The following SMARCA2 variants were observed in gnomAD, a reference collection of about 807,000 sequenced individuals.
The protein encoded by SMARCA2 is SWI/SNF-related matrix-associated actin-dependent regulator of chromatin subfamily A member 2.
SMARCA2 carries 61 observed loss-of-function variants against 199.8 expected under a neutral mutation model. The observed-to-expected ratio is 0.31, with a 90% CI of 0.25 to 0.38. SMARCA2 has a LOEUF of 0.38. SMARCA2 is among the 10% of genes least tolerant of loss of function. The pLI is 1.00. For missense variants in SMARCA2, 1,344 were observed against 2,012.2 expected, an observed-to-expected ratio of 0.67 and a Z score of 6.35; for synonymous variants, 935 against 732.0, an observed-to-expected ratio of 1.28 and a Z score of -4.48.
Position 2,110,429 on chromosome 9 carries a change from C to T in SMARCA2, c.3456+12C>T, listed in dbSNP as rs1191541117. The T allele has an allele frequency of 6.3e-7, 1 of 1,574,902 alleles. No homozygotes were observed. The highest frequency in any genetic ancestry group is 8.6e-7 in the Non-Finnish European group (1 of 1,163,286). Reference sequence around the variant, plus strand: ...GGAATCCTCATCAGGTCTGCATGTCCCACTCAGGTGCCCAGGCCTCCCTCT... The same window carrying T: ...GGAATCCTCATCAGGTCTGCATGTCTCACTCAGGTGCCCAGGCCTCCCTCT... On this transcript the variant is annotated intron_variant, in intron 24 of 33. Transcript: ENST00000349721. The surrounding 1 kb of genome is among the most constrained non-coding windows in gnomAD (Gnocchi z 4.8).
intron 32 of SMARCA2, among the ~76,000 whole-genome samples, chr9:2,187,737 T>C (rs189242505): frequency 1.5e-3 from 222 of 152,230 alleles, no homozygotes; most frequent in Middle Eastern, 3.4e-3. Flanking sequence ...TTCTTTCCTA[T>C]GTGTGTCTTC....
chr9:2,090,113 G>T (rs1373301159), intron 19 of SMARCA2, among the ~76,000 whole-genome samples: 1 of 152,088 alleles, frequency 6.6e-6, no homozygotes, highest in African/African-American at 2.4e-5. Context: ...GAATTATGAG[G>T]TGATTAATTA....
In SMARCA2 at chr9:2,169,256, T is replaced by G. The variant is rs1194152936; in HGVS notation, c.4200-1163T>G. Among the ~76,000 whole-genome samples the G allele has an allele frequency of 6.6e-6, 1 of 152,164 alleles. No individual in the cohort carries two copies. The highest frequency in any genetic ancestry group is 1.5e-5 in the Non-Finnish European group (1 of 68,022). On this transcript the variant is annotated intron_variant, in intron 28 of 33. Transcript: ENST00000349721. This position sits in a 1 kb window ranked among gnomAD's most constrained non-coding sequence, Gnocchi z 6.5. ...GGTGGACTGCGTGCCCTGCCTCCAG[T>G]CTCTTCCTGTCCTGGCTTCTTTCTG... is the stretch of plus-strand genomic sequence containing the variant.
chr9:2,061,049 G>T, intron 9 of SMARCA2, 63 bp downstream of exon 9: 4 of 1,479,662 alleles, frequency 2.7e-6, no homozygotes, highest in South Asian at 1.2e-5. Flanking sequence ...TTTTTAAGGC[G>T]AGTATTGCTC....
rs565225365 is a variant in SMARCA2, at chr9:2,051,703, G to T, written c.1047-2894G>T. 1.2e-4 allele frequency among the ~76,000 whole-genome samples: 18 copies of T among 152,328 alleles called. No homozygotes were observed. In the South Asian group the frequency reaches 3.7e-3, roughly 32 times the overall value. On this transcript the variant is annotated intron_variant, in intron 5 of 33. Transcript: ENST00000349721. ...TATTCAAATAAGAAAGATCTGCAAG[G>T]AATCTAGAACCAAGGATGCGGAATA...
chr9:2,018,975 GAC>G (rs1056288829), intron 1 of SMARCA2, among the ~76,000 whole-genome samples: 17 of 152,198 alleles, frequency 1.1e-4, no homozygotes, highest in African/African-American at 3.4e-4. Context: ...TGCAAAATGA[GAC>G]ACACTTTTTC....
rs576675801 is a variant in SMARCA2 at position 2,183,746 on chromosome 9, A to C, written c.4461+1504A>C. ...AGGTCTTGAAAGCAAGCCTTCTGTT[A>C]CTCAAGACACTCTCCAAGGAAAAAG... On this transcript the variant is annotated intron_variant, in intron 31 of 33. Coordinates refer to ENST00000349721, the MANE Select transcript of SMARCA2 (RefSeq NM_003070.5). Among the ~76,000 whole-genome samples the C allele has an allele frequency of 4.6e-5, 7 of 152,360 alleles. No individual in the cohort carries two copies. The East Asian group carries it at 1.3e-3, about 29-fold the overall frequency.
chr9:2,186,226 A>C lies in SMARCA2; in HGVS notation c.4592A>C (p.Glu1531Ala). Residue 1531 changes from glutamate to alanine, a missense_variant and splice_region_variant, in exon 32 of 34, where the codon GAG (glutamate) becomes GCG (alanine). By Grantham distance (107) the Glu-to-Ala change is moderately radical. Transcript: ENST00000349721. The stretch of plus-strand genomic sequence containing the variant: ...GAAGATGAAGAAGAGTCAGAGTCCG[A>C]GGGTAAGCCCAGACATTCGGGTCCT... ...EEEDEEESES[E>A]AKSVKVKIKL... 6.2e-7 allele frequency: 1 copy of C among 1,613,594 alleles called. No homozygotes were observed. The highest frequency in any genetic ancestry group is 1.1e-5 in the South Asian group (1 of 91,048).
rs1563821715 is a variant in SMARCA2 at position 2,169,378 on chromosome 9, A to G, written c.4200-1041A>G. 1.3e-5 allele frequency among the ~76,000 whole-genome samples: 2 copies of G among 152,140 alleles called. No individual in the cohort carries two copies. The highest frequency in any genetic ancestry group is 2.9e-5 in the Non-Finnish European group (2 of 68,032). ...TGACCAGACTTCTTAGCGTAGGAGA[A>G]TTGTTATCTTCCACAGTCTGAACCT... On this transcript the variant is annotated intron_variant, in intron 28 of 33. Transcript: ENST00000349721. This position sits in a 1 kb window ranked among gnomAD's most constrained non-coding sequence, Gnocchi z 6.5.
At position 2,039,971 on chromosome 9, in the gene SMARCA2, A is replaced by C. The variant is rs537567181; in HGVS notation, c.790+71A>C. 30 of 1,580,550 alleles carry C rather than the reference A, an allele frequency of 1.9e-5. No individual in the cohort carries two copies. The highest frequency in any genetic ancestry group is 1.3e-4 in the African/African-American group (10 of 74,494). ...GATAACAAAGACTGCTCACCAAAACACCGGGTTGTTAAAAGCCCGGGGCTG... is the reference window on the plus strand; with the variant it reads ...GATAACAAAGACTGCTCACCAAAACCCCGGGTTGTTAAAAGCCCGGGGCTG... On this transcript the variant is annotated intron_variant, in intron 4 of 33. Transcript: ENST00000349721. This position sits in a 1 kb window ranked among gnomAD's most constrained non-coding sequence, Gnocchi z 4.8.
chr9:2,026,816 C>T (rs1322380105), intron 1 of SMARCA2, among the ~76,000 whole-genome samples: 1 of 152,158 alleles, frequency 6.6e-6, no homozygotes, highest in East Asian at 1.9e-4. Context: ...AAAATGCTGA[C>T]TGAACCTGTG....
chr9:2,074,351 A>G (rs1216979515), intron 12 of SMARCA2, among the ~76,000 whole-genome samples: 2 of 152,194 alleles, frequency 1.3e-5, no homozygotes, highest in Non-Finnish European at 2.9e-5. Flanking sequence ...CATTGTTAAT[A>G]TATTGTCATT....
At chr9:2,113,898 T>C (rs2130592750) in intron 24 of SMARCA2, among the ~76,000 whole-genome samples, 1 of 152,268 alleles carries the variant, frequency 6.6e-6, no homozygotes, top group Middle Eastern at 3.4e-3. Context: ...CCCCCACAGG[T>C]GAAGAATGGT....
chr9:2,049,476 G>A (rs770157871), intron 5 of SMARCA2, among the ~76,000 whole-genome samples: 3 of 152,166 alleles, frequency 2.0e-5, no homozygotes, highest in African/African-American at 4.8e-5. Context: ...TACAAAATGT[G>A]GAGAATGGCA....
intron 3 of SMARCA2, among the ~76,000 whole-genome samples, chr9:2,038,376 C>T (rs1160047518): frequency 2.0e-5 from 3 of 152,094 alleles, no homozygotes; most frequent in African/African-American, 7.2e-5. Flanking sequence ...CATTTCTATA[C>T]CCCCACCAGC....
In SMARCA2 at chr9:2,039,891, A is replaced by C; in HGVS notation, c.781A>C (p.Arg261=). 6.2e-7 allele frequency: 1 copy of C among 1,613,864 alleles called. No individual in the cohort carries two copies. The highest frequency in any genetic ancestry group is 8.5e-7 in the Non-Finnish European group (1 of 1,179,988). ...GCAGCCGGCCCTTGTTAACTACAACAGACCATCTGGTAGGTTAATACGCAA... is the reference window on the plus strand; with the variant it reads ...GCAGCCGGCCCTTGTTAACTACAACCGACCATCTGGTAGGTTAATACGCAA... ...QQQPALVNYN[R]PSGPGPELSG... The change falls in exon 4 of 34, where the codon AGA becomes CGA. Residue 261 remains arginine, a synonymous_variant. Transcript: ENST00000349721. This position sits in a 1 kb window ranked among gnomAD's most constrained non-coding sequence, Gnocchi z 4.8.
intron 29 of SMARCA2, among the ~76,000 whole-genome samples, chr9:2,178,590 G>T (rs917918049): frequency 1.3e-5 from 2 of 151,770 alleles, no homozygotes; most frequent in Admixed American, 1.3e-4. Flanking sequence ...CCGGGGGCAG[G>T]GTGGTGCATA....
chr9:2,095,938 T>C (rs916180075), intron 19 of SMARCA2, among the ~76,000 whole-genome samples: 3 of 152,216 alleles, frequency 2.0e-5, no homozygotes, highest in Non-Finnish European at 2.9e-5. Context: ...ATTAGGAGTA[T>C]GATAAAGTAC....
intron 14 of SMARCA2, among the ~76,000 whole-genome samples, chr9:2,080,845 A>G (rs1821537313): frequency 6.6e-6 from 1 of 152,218 alleles, no homozygotes; most frequent in Non-Finnish European, 1.5e-5. Context: ...GCATATGTGT[A>G]TATGTGCCTC....
Sources: allele counts gnomAD v4.1 joint callset (sites outside exome capture counted in the v4.1 genomes callset), GRCh38; gene constraint gnomAD v4.1.1; non-coding constraint Gnocchi (gnomAD v3.1); transcripts MANE v1.5; gene names NCBI Gene and HGNC (gene_info 2026-07-23, HGNC 2026-07-21).